The following PTPRN2 variants were observed in gnomAD, a reference collection of about 807,000 sequenced individuals.
PTPRN2 encodes the protein receptor-type tyrosine-protein phosphatase N2.
A neutral mutation model predicts 118.8 loss-of-function variants in PTPRN2; 74 were observed. The ratio of observed to expected loss-of-function variants is 0.62; its 90% CI spans 0.52 to 0.76. The LOEUF (loss-of-function observed/expected upper bound fraction) is 0.76. Ranked by LOEUF, PTPRN2 falls within the 30% of genes least tolerant of loss-of-function variation. The pLI, the probability that PTPRN2 is intolerant of heterozygous loss-of-function variation, is 0.00. For synonymous variants in PTPRN2, 641 were observed against 608.0 expected (o/e 1.05, Z -0.80); for missense variants, 1,481 against 1,394.4 (o/e 1.06, Z -0.99).
chr7:157,792,021 G>A (rs1804536955), intron 12 of PTPRN2, among the ~76,000 whole-genome samples: 1 of 152,220 alleles, frequency 6.6e-6, no homozygotes, highest in Non-Finnish European at 1.5e-5. Flanking sequence ...CCCTTTGCCC[G>A]GAGAGCCTGT....
rs1253482421 is a variant in PTPRN2 at position 157,977,560 on chromosome 7, A to C, written c.1724-78823T>G. The stretch of plus-strand genomic sequence containing the variant: ...TGAGTGTGTTCATGGAGTAGTGTAC[A>C]AGGCCCCAGGTGGGATGACGTGAGA... On this transcript the variant is annotated intron_variant, in intron 11 of 22. Transcript: ENST00000389418. The surrounding 1 kb of genome is among the most constrained non-coding windows in gnomAD (Gnocchi z 4.6). Among the ~76,000 whole-genome samples the C allele has an allele frequency of 1.3e-5, 2 of 150,710 alleles. No individual in the cohort carries two copies. The highest frequency in any genetic ancestry group is 3.0e-5 in the Non-Finnish European group (2 of 67,754).
Position 157,974,644 on chromosome 7 carries a change from G to A in PTPRN2, c.1724-75907C>T, listed in dbSNP as rs1401529619. On this transcript the variant is annotated intron_variant, in intron 11 of 22. Transcript: ENST00000389418. This position sits in a 1 kb window ranked among gnomAD's most constrained non-coding sequence, Gnocchi z 4.0. The stretch of plus-strand genomic sequence containing the variant: ...GGCAGTGGGAGCCTGGGCAGGGGCG[G>A]GCAGGGCTCTGTGGTAAGACACAGA... 6.6e-6 allele frequency among the ~76,000 whole-genome samples: 1 copy of A among 151,710 alleles called. No individual in the cohort carries two copies. Among genetic ancestry groups the A allele is most frequent in the African/African-American group, 2.4e-5 (1 of 41,270 alleles).
chr7:158,422,515 G>C (rs1815339045), intron 2 of PTPRN2, among the ~76,000 whole-genome samples: 1 of 152,192 alleles, frequency 6.6e-6, no homozygotes, highest in South Asian at 2.1e-4. Context: ...ATAAAAGGAA[G>C]ATAGAAAGAA....
intron 2 of PTPRN2, among the ~76,000 whole-genome samples, chr7:158,378,525 C>A (rs1216531354): frequency 6.6e-6 from 1 of 152,212 alleles, no homozygotes; most frequent in Non-Finnish European, 1.5e-5. Flanking sequence ...GAGCTGCTCC[C>A]CACAGGCCCC....
chr7:158,078,888 C>T (rs553221277), intron 11 of PTPRN2, among the ~76,000 whole-genome samples: 1 of 152,270 alleles, frequency 6.6e-6, no homozygotes, highest in African/African-American at 2.4e-5. Flanking sequence ...CCCTCTGTGG[C>T]CCAGGCTGGA....
chr7:158,567,271 T>C (rs980610128), intron 1 of PTPRN2, among the ~76,000 whole-genome samples: 2 of 152,206 alleles, frequency 1.3e-5, no homozygotes, highest in African/African-American at 4.8e-5. Context: ...CACACCTGTG[T>C]GCACTTCCCA....
intron 12 of PTPRN2, among the ~76,000 whole-genome samples, chr7:157,724,578 T>C (rs949328371): frequency 3.9e-5 from 6 of 152,166 alleles, no homozygotes; most frequent in African/African-American, 1.4e-4. Flanking sequence ...ACTGGATCCA[T>C]ATAACCTGCT....
intron 3 of PTPRN2, among the ~76,000 whole-genome samples, chr7:158,220,027 T>C (rs1828237926): frequency 1.3e-5 from 2 of 152,036 alleles, no homozygotes; most frequent in South Asian, 4.1e-4. Flanking sequence ...AATCATTCTA[T>C]GACACTAAAC....
At chr7:158,057,477 G>T (rs999003458) in intron 11 of PTPRN2, among the ~76,000 whole-genome samples, 1 of 152,168 alleles carries the variant, frequency 6.6e-6, no homozygotes, top group Non-Finnish European at 1.5e-5. Context: ...AGGTACACCC[G>T]AGGAATAGCC....
chr7:157,810,348 G>A (rs529439836), intron 12 of PTPRN2, among the ~76,000 whole-genome samples: 385 of 152,332 alleles, frequency 2.5e-3, no homozygotes, highest in Non-Finnish European at 4.5e-3. Context: ...GCAACTTGAC[G>A]AGGCTATGCC....
At chr7:158,229,297 A>C (rs1349806243) in intron 3 of PTPRN2, among the ~76,000 whole-genome samples, 1 of 152,132 alleles carries the variant, frequency 6.6e-6, no homozygotes, top group South Asian at 2.1e-4. Flanking sequence ...GCCAGGAGAC[A>C]AGACTGGAGT....
chr7:158,151,130 C>T (rs941502876), intron 6 of PTPRN2, among the ~76,000 whole-genome samples: 1 of 107,912 alleles, frequency 9.3e-6, no homozygotes, highest in Non-Finnish European at 2.0e-5. Flanking sequence ...GCCCACACCG[C>T]CCGCCTTTCT....
chr7:157,812,248 G>T (rs1189419004), intron 12 of PTPRN2, among the ~76,000 whole-genome samples: 1 of 152,210 alleles, frequency 6.6e-6, no homozygotes, highest in Non-Finnish European at 1.5e-5. Flanking sequence ...CTCCCGTGCT[G>T]GGACCCTTGG....
At chr7:157,708,325 C>T (rs906290501) in intron 12 of PTPRN2, among the ~76,000 whole-genome samples, 3 of 152,210 alleles carry the variant, frequency 2.0e-5, no homozygotes, top group Non-Finnish European at 4.4e-5. Context: ...ACCCTGTGTC[C>T]CCTTACGATT....
At chr7:158,547,271 C>T (rs1826345998) in intron 1 of PTPRN2, among the ~76,000 whole-genome samples, 1 of 152,122 alleles carries the variant, frequency 6.6e-6, no homozygotes, top group Admixed American at 6.5e-5. Flanking sequence ...CCATCTGTCT[C>T]TCAAACTCCT....
intron 12 of PTPRN2, among the ~76,000 whole-genome samples, chr7:157,836,846 T>TCCATCCATC (rs1554464897): frequency 6.6e-5 from 10 of 151,966 alleles, no homozygotes; most frequent in East Asian, 5.8e-4. Flanking sequence ...GTGTGTCCAT[T>TCCATCCATC]CATCCATCCA....
chr7:158,029,562 G>A (rs1404068533), intron 11 of PTPRN2: 1 of 152,308 alleles, frequency 6.6e-6, no homozygotes, highest in East Asian at 1.9e-4. Flanking sequence ...AAAGGGGCTG[G>A]GAGCTCTGGC....
intron 6 of PTPRN2, among the ~76,000 whole-genome samples, chr7:158,164,816 A>G (rs559883507): frequency 1.3e-5 from 2 of 152,136 alleles, no homozygotes; most frequent in African/African-American, 4.8e-5. Flanking sequence ...ATGCAGGTAG[A>G]GGGGCAGCCG....
chr7:157,796,408 C>A (rs1046056319), intron 12 of PTPRN2, among the ~76,000 whole-genome samples: 2 of 152,208 alleles, frequency 1.3e-5, no homozygotes, highest in Admixed American at 6.5e-5. Flanking sequence ...GTCAGCTCTG[C>A]TGCCCCTGCG....
Sources: allele counts gnomAD v4.1 joint callset (sites outside exome capture counted in the v4.1 genomes callset), GRCh38; gene constraint gnomAD v4.1.1; non-coding constraint Gnocchi (gnomAD v3.1); transcripts MANE v1.5; gene names NCBI Gene and HGNC (gene_info 2026-07-23, HGNC 2026-07-21).